CASS4: variants seen among roughly 807,000 people sequenced by gnomAD.
The protein encoded by CASS4 is Cas scaffold protein family member 4.
A neutral mutation model predicts 54.2 loss-of-function variants in CASS4; 22 were observed. The ratio of observed to expected loss-of-function variants is 0.41; its 90% confidence interval spans 0.29 to 0.58. The LOEUF (loss-of-function observed/expected upper bound fraction) is 0.58, where lower values mean the gene tolerates loss of function less well. Among genes scored for constraint, CASS4 ranks in the 20% least tolerant of loss-of-function variants. The pLI, the probability that CASS4 is intolerant of heterozygous loss-of-function variation, is 0.36. For missense variants in CASS4, 854 were observed against 986.7 expected, an observed-to-expected ratio of 0.87 and a Z score of 1.80; for synonymous variants, 409 against 391.5, an observed-to-expected ratio of 1.04 and a Z score of -0.53.
At chr20:56,458,317 A>G (rs1981398330) in intron 5 of CASS4, 23 bp from the exon 6 acceptor site, 28 of 1,591,338 alleles carry the variant, frequency 1.8e-5, no homozygotes, top group Non-Finnish European at 2.4e-5. Context: ...TCTCCTATCT[A>G]TTTTCTTCCT....
chr20:56,426,088 T>A (rs555386673), intron 1 of CASS4, among the ~76,000 whole-genome samples: 1 of 152,338 alleles, frequency 6.6e-6, no homozygotes, highest in Admixed American at 6.5e-5. Context: ...CCATCTTGTA[T>A]CTGCTAAGAT....
chr20:56,438,302 A>G (rs11476162), intron 2 of CASS4, among the ~76,000 whole-genome samples: 7,782 of 144,558 alleles, frequency 0.054, 680 homozygotes, highest in East Asian at 0.42. Flanking sequence ...AAAAAAAAAA[A>G]GTATATCCCC....
At position 56,452,884 on chromosome 20, in the gene CASS4, C is replaced by T. The variant is rs745893482; in HGVS notation, c.1708C>T (p.Pro570Ser). 1.2e-6 allele frequency: 2 copies of T among 1,614,016 alleles called. No homozygotes were observed. Among genetic ancestry groups the T allele is most frequent in the South Asian group, 1.1e-5 (1 of 91,074 alleles). The change falls in exon 5 of 6, where the codon CCA (proline) becomes TCA (serine). Residue 570 changes from proline to serine, a missense_variant. By Grantham distance (74) the Pro-to-Ser change is moderately conservative (BLOSUM62 -1). Coordinates refer to ENST00000679887, the MANE Select transcript of CASS4 (RefSeq NM_020356.4). Reference sequence around the variant, plus strand: ...GTTTGTCATGGTGGCACGGATGCTTCCAGAAGACATCAAGAGGTTTGCCTC... The same window carrying T: ...GTTTGTCATGGTGGCACGGATGCTTTCAGAAGACATCAAGAGGTTTGCCTC... ...ERFVMVARML[P>S]EDIKRFASIV...
rs575043057 is a variant in CASS4, at chr20:56,450,750, G to C, written c.642+71G>C. 7 of 1,455,164 alleles carry C rather than the reference G, an allele frequency of 4.8e-6. No individual in the cohort carries two copies. The South Asian group carries it at 5.8e-5, about 12-fold the overall frequency. The allele number at this position is 1,455,164 out of a possible 1,614,324, so 90.1% of individuals were successfully genotyped here. Reference sequence around the variant, plus strand: ...ATCCTCTCAGAAATGTTATTAGCTTGGGGCCAGGCACGGTGGCTGAAGCCT... The same window carrying C: ...ATCCTCTCAGAAATGTTATTAGCTTCGGGCCAGGCACGGTGGCTGAAGCCT... On this transcript the variant is annotated intron_variant, in intron 4 of 5. Transcript: ENST00000679887.
chr20:56,451,786 C>A, intron 4 of CASS4, 33 bp from the exon 5 acceptor site: 2 of 1,546,804 alleles, frequency 1.3e-6, no homozygotes, highest in Non-Finnish European at 1.8e-6. Context: ...TGGAAAGCTA[C>A]TAACCCGGCA....
chr20:56,453,688 G>A (rs6127755), intron 5 of CASS4: 44,473 of 152,902 alleles, frequency 0.29, 8,299 homozygotes, highest in East Asian at 0.68. Flanking sequence ...AGGAGTTTGA[G>A]ACCAGGCTGG....
In CASS4 at chr20:56,452,665, G is replaced by A. The variant is rs749307548; in HGVS notation, c.1489G>A (p.Ala497Thr). The stretch of plus-strand genomic sequence containing the variant: ...ATCTGTAAGAGAATTTCTGGATTTT[G>A]CCCGAGGAGTCCATGGGACTGCCTG... ...EESVREFLDF[A>T]RGVHGTACNL... Residue 497 changes from alanine to threonine, a missense_variant, in exon 5 of 6, where the codon GCC (alanine) becomes ACC (threonine). Ala to Thr is a moderately conservative substitution (Grantham distance 58). Coordinates refer to ENST00000679887, the MANE Select transcript of CASS4 (RefSeq NM_020356.4). 6 of 1,614,060 alleles carry A rather than the reference G, an allele frequency of 3.7e-6. No homozygotes were observed. Among genetic ancestry groups the A allele is most frequent in the Non-Finnish European group, 4.2e-6 (5 of 1,180,040 alleles).
In CASS4 at chr20:56,452,324, G is replaced by C. The variant is rs1164054133; in HGVS notation, c.1148G>C (p.Trp383Ser). ...AATTCCGCGGGCCATAATTCCTCAT[G>C]GTTCTCCAGACGGACAACTTCCCCA... ...SENSAGHNSS[W>S]FSRRTTSPSP... is the part of the protein sequence containing the mutation. The change falls in exon 5 of 6, where the codon TGG (tryptophan) becomes TCG (serine). Residue 383 changes from tryptophan to serine, a missense_variant. By Grantham distance (177) the Trp-to-Ser change is radical. Transcript: ENST00000679887. 6.2e-7 allele frequency: 1 copy of C among 1,613,932 alleles called. No homozygotes were observed. Among genetic ancestry groups the C allele is most frequent in the East Asian group, 2.2e-5 (1 of 44,884 alleles).
rs1333780798 is a variant in CASS4 at position 56,458,354 on chromosome 20, T to A, written c.1968T>A (p.Leu656=). Residue 656 remains leucine (L), a synonymous_variant, in exon 6 of 6, where the codon CTT becomes CTA. Coordinates refer to ENST00000679887, the MANE Select transcript of CASS4 (RefSeq NM_020356.4). ...ANICGQNPGP[L]IPQPSSQQTP... ...CCCTTCTTTAGAATCCTGGCCCTCT[T>A]ATACCTCAGCCTTCGAGTCAACAGA... The A allele has an allele frequency of 6.2e-6, 10 of 1,611,572 alleles. No homozygotes were observed. The East Asian group carries it at 2.2e-4, about 36-fold the overall frequency.
intron 1 of CASS4, among the ~76,000 whole-genome samples, chr20:56,426,292 C>A (rs1979634130): frequency 6.6e-6 from 1 of 152,180 alleles, no homozygotes; most frequent in Non-Finnish European, 1.5e-5. Flanking sequence ...AGTTATAGTA[C>A]CTGCTTCATA....
rs994466133 is a variant in CASS4 at position 56,437,060 on chromosome 20, G to A, written c.37-104G>A. 5.9e-6 allele frequency: 6 copies of A among 1,010,638 alleles called. No homozygotes were observed. The Admixed American group carries it at 9.9e-5, about 17-fold the overall frequency. 62.6% of individuals were successfully genotyped at this position (1,010,638 alleles called of 1,614,324 possible). A position where few individuals can be genotyped will look rare whatever the true frequency, so the allele number is the denominator to read the frequency against. ...TGGGGTGGAAGAAATGAAATGAAAGGGCATGATGAATTTGTATGAAGCTTT... is the reference window on the plus strand; with the variant it reads ...TGGGGTGGAAGAAATGAAATGAAAGAGCATGATGAATTTGTATGAAGCTTT... On this transcript the variant is annotated intron_variant, in intron 1 of 5. Coordinates refer to ENST00000679887, the MANE Select transcript of CASS4 (RefSeq NM_020356.4). This position sits in a 1 kb window ranked among gnomAD's most constrained non-coding sequence, Gnocchi z 4.7.
Position 56,435,125 on chromosome 20 carries a change from G to A in CASS4, c.37-2039G>A, listed in dbSNP as rs186880027. ...GCGTGAAGGATCTGATTCTTCTTAC[G>A]CTTTTTAGATAGACTTGTAGTAGTG... On this transcript the variant is annotated intron_variant, in intron 1 of 5. Transcript: ENST00000679887. 1.9e-3 allele frequency among the ~76,000 whole-genome samples: 283 copies of A among 152,242 alleles called. 1 individual carries two copies. Among genetic ancestry groups the A allele is most frequent in the Admixed American group, 4.1e-3 (63 of 15,282 alleles).
At chr20:56,444,667 C>T (rs1349536860) in intron 2 of CASS4, among the ~76,000 whole-genome samples, 2 of 152,156 alleles carry the variant, frequency 1.3e-5, no homozygotes, top group Non-Finnish European at 2.9e-5. Flanking sequence ...CTCTGTGGCA[C>T]CCAGTGTGGT....
At chr20:56,446,229 ATTT>A in intron 3 of CASS4, among the ~76,000 whole-genome samples, 2 of 152,088 alleles carry the variant, frequency 1.3e-5, no homozygotes, top group African/African-American at 4.8e-5. Flanking sequence ...ATATTTTGAA[ATTT>A]TTACTTTTCA....
At chr20:56,427,268 G>A (rs1451922508) in intron 1 of CASS4, among the ~76,000 whole-genome samples, 1 of 151,644 alleles carries the variant, frequency 6.6e-6, no homozygotes, top group East Asian at 1.9e-4. Context: ...AGAAGTGTCT[G>A]TAGATACTTT....
chr20:56,445,975 C>G lies in CASS4; in HGVS notation c.535C>G (p.Gln179Glu), dbSNP rs1299131190. The G allele has an allele frequency of 6.2e-7, 1 of 1,613,834 alleles. No individual in the cohort carries two copies. Among genetic ancestry groups the G allele is most frequent in the Non-Finnish European group, 8.5e-7 (1 of 1,180,004 alleles). Reference protein sequence around the residue: ...LPSQVYDVPTQHRGPVVLKEP... With the variant: ...LPSQVYDVPTEHRGPVVLKEP... ...TTCCCAGGTGTATGACGTGCCTACC[C>G]AGCACCGGGGCCCCGTGGTCCTGAA... Residue 179 changes from glutamine (Q) to glutamate (E), a missense_variant, in exon 3 of 6, where the codon CAG becomes GAG. Coordinates refer to ENST00000679887, the MANE Select transcript of CASS4 (RefSeq NM_020356.4).
intron 1 of CASS4, among the ~76,000 whole-genome samples, chr20:56,434,847 T>A (rs1209039275): frequency 6.6e-6 from 1 of 152,152 alleles, no homozygotes. Context: ...TAGGTGTGTA[T>A]GTGAACAACT....
At chr20:56,425,111 C>T (rs1979579927) in intron 1 of CASS4, among the ~76,000 whole-genome samples, 1 of 152,220 alleles carries the variant, frequency 6.6e-6, no homozygotes, top group Non-Finnish European at 1.5e-5. Flanking sequence ...TCCTCTCTGG[C>T]CTGGGTCTTT....
chr20:56,438,195 C>A (rs1980285656), intron 2 of CASS4, among the ~76,000 whole-genome samples: 1 of 151,826 alleles, frequency 6.6e-6, no homozygotes, highest in Non-Finnish European at 1.5e-5. Flanking sequence ...GAGGCTGAGG[C>A]AGGAGGATCG....
Sources: gnomAD v4.1 joint callset for allele counts (sites outside exome capture counted in the v4.1 genomes callset) on GRCh38, gnomAD v4.1.1 for gene constraint, Gnocchi (gnomAD v3.1) non-coding constraint, MANE v1.5 for transcripts, NCBI Gene and HGNC (gene_info 2026-07-23, HGNC 2026-07-21) for gene names.